Variants in GATAD2A observed in about 807,000 individuals in gnomAD.
GATAD2A encodes transcriptional repressor p66-alpha.
GATAD2A carries 12 observed loss-of-function variants against 68.5 expected under a neutral mutation model. The observed-to-expected ratio is 0.18, with a 90% CI of 0.11 to 0.28. The LOEUF is 0.28. GATAD2A is among the 10% of genes least tolerant of loss of function. The pLI is 1.00. For missense variants in GATAD2A, 755 were observed against 868.5 expected (o/e 0.87, Z 1.64); for synonymous variants, 410 against 375.3 (o/e 1.09, Z -1.07).
At chr19:19,407,839 T>A (rs1167474679) in intron 1 of GATAD2A, among the ~76,000 whole-genome samples, 1 of 152,152 alleles carries the variant, frequency 6.6e-6, no homozygotes, top group Admixed American at 6.5e-5. Flanking sequence ...ATGTGGGAAA[T>A]TTGCAAGGGA....
intron 1 of GATAD2A, among the ~76,000 whole-genome samples, chr19:19,424,532 C>T (rs146716318): frequency 1.3e-5 from 2 of 152,168 alleles, no homozygotes; most frequent in African/African-American, 4.8e-5. Flanking sequence ...GCCTGACCTC[C>T]ACTGAGTTTT....
At chr19:19,486,024 T>G (rs1203569625) in intron 2 of GATAD2A, among the ~76,000 whole-genome samples, 1 of 152,026 alleles carries the variant, frequency 6.6e-6, no homozygotes, top group African/African-American at 2.4e-5. Flanking sequence ...GTGGCGCTGG[T>G]TCCTCCTGAA....
At chr19:19,497,943 A>C in intron 7 of GATAD2A, among the ~76,000 whole-genome samples, 1 of 152,232 alleles carries the variant, frequency 6.6e-6, no homozygotes, top group South Asian at 2.1e-4. Context: ...TGCTTCCCCC[A>C]TCGCCCCATA....
In GATAD2A at chr19:19,494,393, C is replaced by T. The variant is rs1267552414; in HGVS notation, c.624+10C>T. The T allele has an allele frequency of 5.2e-6, 8 of 1,543,504 alleles. No individual in the cohort carries two copies. In the African/African-American group the frequency reaches 8.2e-5, roughly 16 times the overall value. On this transcript the variant is annotated intron_variant, in intron 5 of 11. Transcript: ENST00000683918. ...CAAGCCATCACTCCAGGTCAGTGTC[C>T]TTTCTGCGTCTCACTGGGTGCCCTG...
intron 2 of GATAD2A, among the ~76,000 whole-genome samples, chr19:19,482,194 A>C (rs933246270): frequency 7.9e-5 from 12 of 152,176 alleles, no homozygotes; most frequent in African/African-American, 2.9e-4. Flanking sequence ...ACTTGAGCCC[A>C]GGAGTTTGAG....
intron 1 of GATAD2A, among the ~76,000 whole-genome samples, chr19:19,408,596 C>T (rs2050564620): frequency 6.6e-6 from 1 of 152,146 alleles, no homozygotes. Context: ...TTCAGTAGCT[C>T]CTCTGACTTG....
At chr19:19,457,211 T>G (rs542810915) in intron 1 of GATAD2A, 1 of 985,430 alleles carries the variant, frequency 1.0e-6, no homozygotes, top group Admixed American at 6.1e-5. Context: ...GTACCTGCTG[T>G]CACAGAGCCT....
chr19:19,396,140 G>A (rs923723538), intron 1 of GATAD2A, among the ~76,000 whole-genome samples: 3 of 152,128 alleles, frequency 2.0e-5, no homozygotes, highest in African/African-American at 4.8e-5. Context: ...GGCCAACATA[G>A]TGAAACCCTG....
chr19:19,434,998 C>CAG (rs1313252794), intron 1 of GATAD2A: 1 of 445,338 alleles, frequency 2.2e-6, no homozygotes, highest in Non-Finnish European at 4.9e-6. Flanking sequence ...GGGTCCATGA[C>CAG]AGACAACATG....
chr19:19,434,278 C>T (rs767706340), intron 1 of GATAD2A, among the ~76,000 whole-genome samples: 2 of 152,132 alleles, frequency 1.3e-5, no homozygotes, highest in Non-Finnish European at 2.9e-5. Context: ...TTCCCACCCT[C>T]GGGGCAGAGA....
chr19:19,429,023 T>G (rs868112153), intron 1 of GATAD2A, among the ~76,000 whole-genome samples: 2,039 of 151,694 alleles, frequency 0.013, 51 homozygotes, highest in African/African-American at 0.047. Context: ...GTATGTTTTT[T>G]TTTTTTTTTT....
chr19:19,470,790 G>A (rs2058246901), intron 2 of GATAD2A, among the ~76,000 whole-genome samples: 1 of 152,202 alleles, frequency 6.6e-6, no homozygotes, highest in Admixed American at 6.5e-5. Context: ...AGGAGGAAGT[G>A]TAGAAACTGG....
intron 1 of GATAD2A, among the ~76,000 whole-genome samples, chr19:19,455,862 G>A (rs919486933): frequency 1.3e-5 from 2 of 151,796 alleles, no homozygotes; most frequent in African/African-American, 4.8e-5. Context: ...TTAAGAAAAA[G>A]TTTACTGGCC....
In GATAD2A at chr19:19,505,229, G is replaced by T. The variant is rs1046469257; in HGVS notation, c.1775-115G>T. 3 of 959,756 alleles carry T rather than the reference G, an allele frequency of 3.1e-6. No homozygotes were observed. The African/African-American group carries it at 5.1e-5, about 16-fold the overall frequency. The allele number at this position is 959,756 out of a possible 1,614,324, so 59.5% of individuals were successfully genotyped here. On this transcript the variant is annotated intron_variant, in intron 11 of 11. Transcript: ENST00000683918. ...GGAGTAGTGTGGGTGGGTTTGCAAG[G>T]GCTCCTGGGTCCTTAGTCTGTATTG... is the stretch of plus-strand genomic sequence containing the variant.
intron 1 of GATAD2A, among the ~76,000 whole-genome samples, chr19:19,453,680 A>ATTT (rs36010983): frequency 4.2e-5 from 6 of 143,188 alleles, no homozygotes; most frequent in South Asian, 2.2e-4. Flanking sequence ...TTTTTTTAAA[A>ATTT]TTTTTTTTTT....
At chr19:19,493,537 G>A (rs1451884797) in intron 4 of GATAD2A, among the ~76,000 whole-genome samples, 1 of 152,184 alleles carries the variant, frequency 6.6e-6, no homozygotes, top group Non-Finnish European at 1.5e-5. Flanking sequence ...AGCTTAATGG[G>A]CAGCGAGGTT....
chr19:19,449,376 T>G (rs1382618544), intron 1 of GATAD2A, among the ~76,000 whole-genome samples: 1 of 152,130 alleles, frequency 6.6e-6, no homozygotes, highest in Non-Finnish European at 1.5e-5. Flanking sequence ...ATCTAGATGT[T>G]ATTTATTTTT....
At chr19:19,457,980 C>A (rs927538642) in intron 1 of GATAD2A, among the ~76,000 whole-genome samples, 5 of 152,268 alleles carry the variant, frequency 3.3e-5, no homozygotes, top group Middle Eastern at 3.4e-3. Context: ...CTGGTCTTAT[C>A]CTAGGACCAC....
intron 2 of GATAD2A, among the ~76,000 whole-genome samples, chr19:19,469,440 A>AAAAAAAAAG (rs2058105326): frequency 6.7e-6 from 1 of 150,356 alleles, no homozygotes; most frequent in African/African-American, 2.5e-5. Context: ...TCAAAAAAAA[A>AAAAAAAAAG]GAAAAAAAGA....
Sources: gnomAD v4.1 joint callset for allele counts (sites outside exome capture counted in the v4.1 genomes callset) on GRCh38, gnomAD v4.1.1 for gene constraint, MANE v1.5 for transcripts, NCBI Gene and HGNC (gene_info 2026-07-23, HGNC 2026-07-21) for gene names.